LRRC7: variants seen among roughly 807,000 people sequenced by gnomAD.
LRRC7 encodes leucine-rich repeat-containing protein 7.
A neutral mutation model predicts 175.7 loss-of-function variants in LRRC7; 23 were observed. The ratio of observed to expected loss-of-function variants is 0.13; its 90% confidence interval spans 0.09 to 0.19. The LOEUF (loss-of-function observed/expected upper bound fraction) is 0.19. Among genes scored for constraint, LRRC7 ranks in the 10% least tolerant of loss-of-function variants. The pLI is 1.00. For synonymous variants in LRRC7, 685 were observed against 680.9 expected, an observed-to-expected ratio of 1.01 and a Z score of -0.09; for missense variants, 1,354 against 1,904.7, an observed-to-expected ratio of 0.71 and a Z score of 5.38.
chr1:69,863,355 T>C (rs753243250), intron 7 of LRRC7, among the ~76,000 whole-genome samples: 2 of 152,220 alleles, frequency 1.3e-5, no homozygotes, highest in Non-Finnish European at 1.5e-5. Context: ...TAAATTCTCT[T>C]ATTTTTTACT....
intron 2 of LRRC7, among the ~76,000 whole-genome samples, chr1:69,711,443 T>C (rs901639715): frequency 6.6e-6 from 1 of 152,204 alleles, no homozygotes; most frequent in African/African-American, 2.4e-5. Flanking sequence ...CAATTCAATA[T>C]CTGTTTCAAA....
At position 70,129,062 on chromosome 1, in the gene LRRC7, A is replaced by G. The variant is rs1423575082; in HGVS notation, c.*7175A>G. Among the ~76,000 whole-genome samples, 1 of 152,072 alleles carries G rather than the reference A, an allele frequency of 6.6e-6. No homozygotes were observed. Among genetic ancestry groups the G allele is most frequent in the Non-Finnish European group, 1.5e-5 (1 of 68,016 alleles). On this transcript the variant is annotated 3_prime_UTR_variant, in exon 27 of 27. Coordinates refer to ENST00000651989, the MANE Select transcript of LRRC7 (RefSeq NM_001370785.2). ...GGAATTGGATACCAGCCTGACCAACATGCTGAAACCTCATCTCTACTAAAA... is the reference window on the plus strand; with the variant it reads ...GGAATTGGATACCAGCCTGACCAACGTGCTGAAACCTCATCTCTACTAAAA...
chr1:69,767,843 A>G (rs1489401356), intron 3 of LRRC7, among the ~76,000 whole-genome samples: 2 of 152,168 alleles, frequency 1.3e-5, no homozygotes, highest in African/African-American at 2.4e-5. Context: ...GTAAATTTTT[A>G]ACAATATTAC....
chr1:70,121,283 G>T (rs1023393683), intron 26 of LRRC7, among the ~76,000 whole-genome samples: 1 of 152,034 alleles, frequency 6.6e-6, no homozygotes, highest in African/African-American at 2.4e-5. Context: ...TTTCTCTAAT[G>T]TAAAAGTGTA....
chr1:69,699,484 G>C (rs541241034), intron 2 of LRRC7, among the ~76,000 whole-genome samples: 1 of 152,168 alleles, frequency 6.6e-6, no homozygotes, highest in South Asian at 2.1e-4. Flanking sequence ...AGGTTGCAGT[G>C]AGCCAAGATT....
At position 69,731,886 on chromosome 1, in the gene LRRC7, T is replaced by A. The variant is rs139375689; in HGVS notation, c.101-28305T>A. The stretch of plus-strand genomic sequence containing the variant: ...GATCTTGCTTATTATTAGTGAGAAG[T>A]TATCTGGGTACTTCCAAGTAAAATG... On this transcript the variant is annotated intron_variant, in intron 2 of 26. Coordinates refer to ENST00000651989, the MANE Select transcript of LRRC7 (RefSeq NM_001370785.2). 5.4e-3 allele frequency among the ~76,000 whole-genome samples: 820 copies of A among 152,284 alleles called. 8 individuals carry two copies. The highest frequency in any genetic ancestry group is 0.012 in the Admixed American group (181 of 15,294).
intron 11 of LRRC7, among the ~76,000 whole-genome samples, chr1:70,000,316 T>C (rs150351022): frequency 1.3e-5 from 2 of 152,178 alleles, no homozygotes; most frequent in East Asian, 1.9e-4. Flanking sequence ...CACAAATAGA[T>C]GCCATTGTGT....
intron 8 of LRRC7, among the ~76,000 whole-genome samples, chr1:69,963,004 C>G (rs1387701771): frequency 6.6e-6 from 1 of 151,714 alleles, no homozygotes; most frequent in Non-Finnish European, 1.5e-5. Flanking sequence ...TAAAAAAAAA[C>G]AAGAAGAAGA....
chr1:69,961,572 C>T (rs1289495751), intron 8 of LRRC7, among the ~76,000 whole-genome samples: 4 of 152,142 alleles, frequency 2.6e-5, no homozygotes, highest in Non-Finnish European at 5.9e-5. Flanking sequence ...TGCTACCTGA[C>T]CTTAAACTAT....
intron 7 of LRRC7, among the ~76,000 whole-genome samples, chr1:69,849,274 G>T (rs1283595298): frequency 6.6e-6 from 1 of 151,978 alleles, no homozygotes; most frequent in African/African-American, 2.4e-5. Context: ...TGGTTAAAAA[G>T]TAGGAGCATT....
chr1:69,583,821 CA>C, intron 1 of LRRC7, among the ~76,000 whole-genome samples: 1 of 152,000 alleles, frequency 6.6e-6, no homozygotes. Flanking sequence ...CTTTGATTGA[CA>C]AAGGGTGATA....
intron 23 of LRRC7, among the ~76,000 whole-genome samples, chr1:70,074,355 A>G (rs1662619017): frequency 6.6e-6 from 1 of 152,236 alleles, no homozygotes; most frequent in African/African-American, 2.4e-5. Flanking sequence ...TGAATTTGCA[A>G]TAAGGAAAAA....
At chr1:69,810,491 C>A (rs1455144420) in intron 4 of LRRC7, among the ~76,000 whole-genome samples, 2 of 152,004 alleles carry the variant, frequency 1.3e-5, no homozygotes, top group Admixed American at 6.6e-5. Flanking sequence ...AAGAACAAAC[C>A]TGGAGGCATC....
rs1280349196 is a variant in LRRC7, at chr1:70,139,185, A to G, written c.*17298A>G. 1 of 152,214 alleles carries G rather than the reference A, an allele frequency of 6.6e-6. No individual in the cohort carries two copies. Among genetic ancestry groups the G allele is most frequent in the Non-Finnish European group, 1.5e-5 (1 of 68,036 alleles). 9.4% of individuals were successfully genotyped at this position (152,214 alleles called of 1,614,324 possible). A position where few individuals can be genotyped will look rare whatever the true frequency, so the allele number is the denominator to read the frequency against. Reference sequence around the variant, plus strand: ...TTCAAACCTCTGTTTAGGGTCCTGCATGTACTATCAAACAGCAAGTGATAG... The same window carrying G: ...TTCAAACCTCTGTTTAGGGTCCTGCGTGTACTATCAAACAGCAAGTGATAG... On this transcript the variant is annotated 3_prime_UTR_variant, in exon 27 of 27. Coordinates refer to ENST00000651989, the MANE Select transcript of LRRC7 (RefSeq NM_001370785.2).
At chr1:70,097,528 G>A (rs1664497251) in intron 25 of LRRC7, among the ~76,000 whole-genome samples, 2 of 151,438 alleles carry the variant, frequency 1.3e-5, no homozygotes, top group Admixed American at 6.6e-5. Context: ...AGTTACATAC[G>A]TATACATGTG....
In LRRC7 at chr1:70,108,696, T is replaced by A. The variant is rs1665310185; in HGVS notation, c.4620+870T>A. Among the ~76,000 whole-genome samples the A allele has an allele frequency of 2.0e-5, 3 of 152,154 alleles. No individual in the cohort carries two copies. In the South Asian group the frequency reaches 6.2e-4, roughly 32 times the overall value. ...CCATCTGCAACAGTTATGAAATGGCTCAACATAATATACTGAACATTTAGA... is the reference window on the plus strand; with the variant it reads ...CCATCTGCAACAGTTATGAAATGGCACAACATAATATACTGAACATTTAGA... On this transcript the variant is annotated intron_variant, in intron 26 of 26. Transcript: ENST00000651989.
intron 23 of LRRC7, among the ~76,000 whole-genome samples, chr1:70,063,058 A>G (rs1661701675): frequency 6.6e-6 from 1 of 152,150 alleles, no homozygotes; most frequent in African/African-American, 2.4e-5. Flanking sequence ...CAGTACAACA[A>G]TACAACTGTC....
intron 23 of LRRC7, among the ~76,000 whole-genome samples, chr1:70,057,612 T>C (rs1335291304): frequency 6.6e-6 from 1 of 152,122 alleles, no homozygotes; most frequent in Admixed American, 6.5e-5. Context: ...TTTTTAATCT[T>C]GTCTCTCTAA....
chr1:69,861,797 T>C (rs1684385313), intron 7 of LRRC7, among the ~76,000 whole-genome samples: 1 of 152,208 alleles, frequency 6.6e-6, no homozygotes, highest in South Asian at 2.1e-4. Flanking sequence ...TTATGCCTTA[T>C]ACCCCGCAGT....
Sources: gnomAD v4.1 joint callset for allele counts (sites outside exome capture counted in the v4.1 genomes callset) on GRCh38, gnomAD v4.1.1 for gene constraint, MANE v1.5 for transcripts, NCBI Gene and HGNC (gene_info 2026-07-23, HGNC 2026-07-21) for gene names.